GABRG2: variants seen among roughly 807,000 people sequenced by gnomAD.
The protein encoded by GABRG2 is gamma-aminobutyric acid type A receptor subunit gamma2, also known as gamma-aminobutyric acid receptor subunit gamma-2.
Under a neutral mutation model 56.4 loss-of-function variants are expected in GABRG2, and 16 were observed. That is an observed-to-expected ratio of 0.28 (90% CI 0.19 to 0.43). The LOEUF (loss-of-function observed/expected upper bound fraction) is 0.43. Among genes scored for constraint, GABRG2 ranks in the 20% least tolerant of loss-of-function variants. GABRG2 has a pLI of 1.00. For synonymous variants in GABRG2, 208 were observed against 205.5 expected (o/e 1.01, Z -0.10); for missense variants, 327 against 582.7 (o/e 0.56, Z 4.52).
At chr5:162,128,900 T>A (rs911391178) in intron 6 of GABRG2, among the ~76,000 whole-genome samples, 14 of 152,028 alleles carry the variant, frequency 9.2e-5, no homozygotes, top group African/African-American at 3.4e-4. Flanking sequence ...GATCTGGTAC[T>A]AATTATGTGA....
chr5:162,090,489 A>G (rs896048431), intron 1 of GABRG2, among the ~76,000 whole-genome samples: 1 of 152,084 alleles, frequency 6.6e-6, no homozygotes, highest in Non-Finnish European at 1.5e-5. Flanking sequence ...TGGGTCCCAG[A>G]GCTCTGCATT....
intron 7 of GABRG2, among the ~76,000 whole-genome samples, chr5:162,146,773 A>G (rs1764978330): frequency 6.6e-6 from 1 of 152,236 alleles, no homozygotes; most frequent in African/African-American, 2.4e-5. Flanking sequence ...TTATAAACAT[A>G]GTTCCCTTGA....
Position 162,097,765 on chromosome 5 carries a change from T to C in GABRG2, c.455T>C (p.Phe152Ser), listed in dbSNP as rs1581350948. ...VGKIWIPDTF[F>S]RNSKKADAHW... ...AAAATCTGGATTCCAGACACTTTCT[T>C]CAGAAATTCCAAAAAAGCTGATGCA... Residue 152 changes from phenylalanine to serine, a missense_variant, in exon 4 of 10, where the codon TTC becomes TCC. Physicochemically the swap from Phe to Ser is radical, Grantham distance 155. This residue lies in a region of GABRG2 where 104 missense variants were observed against 209.3 expected (regional missense o/e 0.50). Coordinates refer to ENST00000639213, the MANE Select transcript of GABRG2 (RefSeq NM_198904.4). The C allele has an allele frequency of 6.2e-7, 1 of 1,613,850 alleles. No individual in the cohort carries two copies. Among genetic ancestry groups the C allele is most frequent in the Non-Finnish European group, 8.5e-7 (1 of 1,179,904 alleles).
chr5:162,147,074 G>T (rs1376866432), intron 7 of GABRG2, among the ~76,000 whole-genome samples: 2 of 152,040 alleles, frequency 1.3e-5, no homozygotes, highest in African/African-American at 4.8e-5. Context: ...TTCTAAGCAT[G>T]TTCTACCAGT....
intron 1 of GABRG2, among the ~76,000 whole-genome samples, chr5:162,080,567 C>T (rs1759569821): frequency 6.6e-6 from 1 of 152,120 alleles, no homozygotes; most frequent in South Asian, 2.1e-4. Context: ...TGTACGGTCT[C>T]AAAACCATTG....
chr5:162,077,006 A>T (rs1759175061), intron 1 of GABRG2, among the ~76,000 whole-genome samples: 1 of 152,000 alleles, frequency 6.6e-6, no homozygotes, highest in South Asian at 2.1e-4. Context: ...TCAATAAATT[A>T]TTCAGAATTT....
chr5:162,070,452 G>T (rs1014410320), intron 1 of GABRG2, among the ~76,000 whole-genome samples: 13 of 151,888 alleles, frequency 8.6e-5, no homozygotes, highest in African/African-American at 3.1e-4. Context: ...TTTGAGACAT[G>T]AGGAGTCCAT....
chr5:162,081,317 TAC>T (rs1759647177), intron 1 of GABRG2, among the ~76,000 whole-genome samples: 1 of 152,070 alleles, frequency 6.6e-6, no homozygotes, highest in Non-Finnish European at 1.5e-5. Flanking sequence ...ATGATTAGGT[TAC>T]AGAATAATAG....
At chr5:162,111,993 A>G (rs1762285018) in intron 6 of GABRG2, among the ~76,000 whole-genome samples, 1 of 152,166 alleles carries the variant, frequency 6.6e-6, no homozygotes, top group Non-Finnish European at 1.5e-5. Flanking sequence ...TTCATTTTTC[A>G]TAAAAGTTAT....
chr5:162,111,437 A>G (rs964706373), intron 6 of GABRG2, among the ~76,000 whole-genome samples: 23 of 152,140 alleles, frequency 1.5e-4, no homozygotes, highest in African/African-American at 5.3e-4. Context: ...GGGAGATGGC[A>G]TAGAGAAGTT....
chr5:162,122,785 G>T (rs1006944421), intron 6 of GABRG2, among the ~76,000 whole-genome samples: 1 of 151,406 alleles, frequency 6.6e-6, no homozygotes, highest in Non-Finnish European at 1.5e-5. Flanking sequence ...CTTGAGAATG[G>T]AAAAGATAGA....
chr5:162,107,083 C>T (rs1256661379), intron 6 of GABRG2, among the ~76,000 whole-genome samples: 1 of 152,130 alleles, frequency 6.6e-6, no homozygotes, highest in East Asian at 1.9e-4. Flanking sequence ...TTAGCCCCCA[C>T]TTACAAGTGA....
At chr5:162,151,842 G>A in intron 9 of GABRG2, 89 bp downstream of exon 9, 2 of 1,199,530 alleles carry the variant, frequency 1.7e-6, no homozygotes, top group South Asian at 2.5e-5. Flanking sequence ...TGTTTTATGA[G>A]TAGACATTTA....
intron 6 of GABRG2, among the ~76,000 whole-genome samples, chr5:162,134,303 A>C (rs1763963320): frequency 6.6e-6 from 1 of 151,756 alleles, no homozygotes; most frequent in African/African-American, 2.4e-5. Context: ...GATTTATTCT[A>C]AGACACTTTC....
intron 9 of GABRG2, chr5:162,152,833 C>A (rs1272080069): frequency 8.4e-6 from 5 of 595,224 alleles, no homozygotes; most frequent in Non-Finnish European, 1.5e-5. Flanking sequence ...ACTTTGAGTT[C>A]TTTTGGTGTT....
rs1765170200 is a variant in GABRG2, at chr5:162,149,090, T to C, written c.923-18T>C. On this transcript the variant is annotated intron_variant, in intron 7 of 9. Transcript: ENST00000639213. ...GCTTATGCAATCACATGACCTGTATTATTACACCTCTCTTCAGGTATCACC... is the reference window on the plus strand; with the variant it reads ...GCTTATGCAATCACATGACCTGTATCATTACACCTCTCTTCAGGTATCACC... 1 of 1,611,732 alleles carries C rather than the reference T, an allele frequency of 6.2e-7. No individual in the cohort carries two copies.
rs1418864491 is a variant in GABRG2 at position 162,108,627 on chromosome 5, T to C, written c.769+4601T>C. On this transcript the variant is annotated intron_variant, in intron 6 of 9. Coordinates refer to ENST00000639213, the MANE Select transcript of GABRG2 (RefSeq NM_198904.4). Reference sequence around the variant, plus strand: ...AGACAGCTCAGGTTTTAACACCAGCTTTGCCATTTACTAGTGGTGTGACTT... The same window carrying C: ...AGACAGCTCAGGTTTTAACACCAGCCTTGCCATTTACTAGTGGTGTGACTT... 2.0e-5 allele frequency among the ~76,000 whole-genome samples: 3 copies of C among 152,166 alleles called. No individual in the cohort carries two copies. The East Asian group carries it at 5.8e-4, about 29-fold the overall frequency.
At chr5:162,081,462 A>G (rs1759661342) in intron 1 of GABRG2, among the ~76,000 whole-genome samples, 2 of 151,992 alleles carry the variant, frequency 1.3e-5, no homozygotes, top group African/African-American at 2.4e-5. Flanking sequence ...AGTGGTACTT[A>G]TGGTACTCAC....
intron 6 of GABRG2, among the ~76,000 whole-genome samples, chr5:162,108,720 G>C (rs961455772): frequency 6.6e-6 from 1 of 152,108 alleles, no homozygotes; most frequent in Non-Finnish European, 1.5e-5. Flanking sequence ...CAAGGATTAA[G>C]AAACATACTA....
Sources: gnomAD v4.1 joint callset for allele counts (sites outside exome capture counted in the v4.1 genomes callset) on GRCh38, gnomAD v4.1.1 for gene constraint, gnomAD v4.1.1 regional missense constraint, MANE v1.5 for transcripts, NCBI Gene and HGNC (gene_info 2026-07-23, HGNC 2026-07-21) for gene names.